The following LTN1 variants were observed in gnomAD, a reference collection of about 807,000 sequenced individuals.
LTN1 encodes E3 ubiquitin-protein ligase listerin.
In LTN1, 88 loss-of-function variants were observed where a neutral mutation model predicts 201.2. The observed-to-expected ratio is 0.44, with a 90% CI of 0.37 to 0.52. The LOEUF is 0.52. LTN1 is among the 20% of genes least tolerant of loss of function. LTN1 has a pLI of 0.00. For missense variants in LTN1, 1,752 were observed against 2,038.7 expected (o/e 0.86, Z 2.71); for synonymous variants, 645 against 713.5 (o/e 0.90, Z 1.53).
At position 28,980,550 on chromosome 21, in the gene LTN1, A is replaced by T. The variant is rs116539379; in HGVS notation, c.810+569T>A. On this transcript the variant is annotated intron_variant, in intron 6 of 29. Transcript: ENST00000361371. The stretch of plus-strand genomic sequence containing the variant: ...CTAAAACTTAAAGTATAATAATAAT[A>T]ATTAAAAAAAAGAACTACCAAAAAA... Among the ~76,000 whole-genome samples, 322 of 151,324 alleles carry T rather than the reference A, an allele frequency of 2.1e-3. 1 individual carries two copies. Among genetic ancestry groups the T allele is most frequent in the African/African-American group, 7.5e-3 (311 of 41,226 alleles).
At chr21:28,976,599 C>CAAA (rs11315471) in intron 6 of LTN1, among the ~76,000 whole-genome samples, 3 of 71,610 alleles carry the variant, frequency 4.2e-5, no homozygotes, top group Non-Finnish European at 5.8e-5. Flanking sequence ...GATTCTGTCT[C>CAAA]AAAAAAAAAA....
intron 6 of LTN1, among the ~76,000 whole-genome samples, chr21:28,975,235 G>A (rs2084605764): frequency 6.6e-6 from 1 of 151,902 alleles, no homozygotes; most frequent in Non-Finnish European, 1.5e-5. Flanking sequence ...GATGAATGGG[G>A]AAAAAATAGA....
intron 11 of LTN1, among the ~76,000 whole-genome samples, chr21:28,965,025 C>T (rs2084509974): frequency 6.6e-6 from 1 of 151,970 alleles, no homozygotes; most frequent in South Asian, 2.1e-4. Context: ...TTAATGGATA[C>T]AGGGTTTCAG....
chr21:28,968,119 CT>C (rs1178165256), intron 9 of LTN1: 7 of 152,086 alleles, frequency 4.6e-5, no homozygotes, highest in Non-Finnish European at 8.8e-5. Flanking sequence ...AAATTTTCCC[CT>C]AGAACTCTGA....
intron 9 of LTN1, 81 bp from the exon 10 acceptor site, chr21:28,967,260 G>A: frequency 2.0e-6 from 2 of 991,890 alleles, no homozygotes; most frequent in Non-Finnish European, 3.0e-6. Flanking sequence ...TAAAATCCTT[G>A]GAATCTCCAA....
chr21:28,983,492 C>T (rs945347383), intron 4 of LTN1, among the ~76,000 whole-genome samples: 1 of 152,162 alleles, frequency 6.6e-6, no homozygotes, highest in Non-Finnish European at 1.5e-5. Context: ...TAGAAAAACA[C>T]GCTTGGTACA....
At chr21:28,968,895 C>T (rs1199810859) in intron 9 of LTN1, among the ~76,000 whole-genome samples, 1 of 151,520 alleles carries the variant, frequency 6.6e-6, no homozygotes, top group African/African-American at 2.4e-5. Flanking sequence ...GCGTGAGCCA[C>T]GACGCCCAGC....
chr21:28,934,788 T>C (rs1310272445), intron 27 of LTN1, among the ~76,000 whole-genome samples: 2 of 152,148 alleles, frequency 1.3e-5, no homozygotes, highest in Admixed American at 1.3e-4. Flanking sequence ...TTACCCAGTT[T>C]CAGGCATTTA....
chr21:28,976,619 T>G (rs1377275007), intron 6 of LTN1, among the ~76,000 whole-genome samples: 1 of 150,160 alleles, frequency 6.7e-6, no homozygotes, highest in Non-Finnish European at 1.5e-5. Context: ...AAAAAAAAAT[T>G]GAAAGAGATG....
chr21:28,958,701 C>T (rs557645025), intron 13 of LTN1, among the ~76,000 whole-genome samples, 162 bp from the exon 14 acceptor site: 121 of 152,136 alleles, frequency 8.0e-4, no homozygotes, highest in Middle Eastern at 3.4e-3. Context: ...AACAAAGCAA[C>T]TGTGTCATAA....
chr21:28,959,603 A>C lies in LTN1; in HGVS notation c.2448T>G (p.Ser816Arg). The change falls in exon 13 of 30, where the codon AGT becomes AGG. Residue 816 changes from serine to arginine, a missense_variant. By Grantham distance (110) the Ser-to-Arg change is moderately radical (BLOSUM62 -1). Coordinates refer to ENST00000361371, the MANE Select transcript of LTN1 (RefSeq NM_015565.3). The stretch of plus-strand genomic sequence containing the variant: ...CACAGATAAAAGACACTGATGAGTC[A>C]CTGCTTTCAGCTTCTGATAATTTCT... ...KTKKLSEAESSDSSVSFICDV... is the reference protein window; with the variant it reads ...KTKKLSEAESRDSSVSFICDV... The C allele has an allele frequency of 6.2e-7, 1 of 1,614,088 alleles. No individual in the cohort carries two copies. The highest frequency in any genetic ancestry group is 8.5e-7 in the Non-Finnish European group (1 of 1,179,974).
chr21:28,932,713 C>A (rs754203260), intron 27 of LTN1, 49 bp from the exon 28 acceptor site: 1 of 1,329,136 alleles, frequency 7.5e-7, no homozygotes, highest in South Asian at 1.3e-5. Context: ...TGTCTTTCAA[C>A]CAGAAAACAT....
At chr21:28,982,266 T>A in intron 5 of LTN1, 50 bp downstream of exon 5, 2 of 1,435,570 alleles carry the variant, frequency 1.4e-6, no homozygotes, top group Non-Finnish European at 2.0e-6. Context: ...TGATTACTTA[T>A]GAGTGAAACA....
At position 28,981,277 on chromosome 21, in the gene LTN1, C is replaced by G; in HGVS notation, c.652G>C (p.Glu218Gln). The G allele has an allele frequency of 6.4e-7, 1 of 1,551,338 alleles. No individual in the cohort carries two copies. The highest frequency in any genetic ancestry group is 8.6e-7 in the Non-Finnish European group (1 of 1,157,780). The change falls in exon 6 of 30, where the codon GAA becomes CAA. Residue 218 changes from glutamate (E) to glutamine (Q), a missense_variant. Physicochemically the swap from Glu to Gln is conservative, Grantham distance 29. Coordinates refer to ENST00000361371, the MANE Select transcript of LTN1 (RefSeq NM_015565.3). ...GTTACAACCCGGTAGAATTTAGCTTCTCTTTCTTCCTCTGGAACAGTTCTT... is the reference window on the plus strand; with the variant it reads ...GTTACAACCCGGTAGAATTTAGCTTGTCTTTCTTCCTCTGGAACAGTTCTT... The part of the protein sequence containing the change: ...DPQTVPEEER[E>Q]AKFYRVVTCS...
At chr21:28,964,619 A>C (rs1269699771) in intron 11 of LTN1, 2 of 1,549,536 alleles carry the variant, frequency 1.3e-6, no homozygotes, top group Non-Finnish European at 1.7e-6. Context: ...CTAATGAAAG[A>C]AGCTGCCTAG....
At chr21:28,951,237 A>G (rs918965678) in intron 18 of LTN1, among the ~76,000 whole-genome samples, 15 of 152,236 alleles carry the variant, frequency 9.9e-5, no homozygotes, top group Non-Finnish European at 1.5e-5. Context: ...TTTAAGATAA[A>G]AAACAGTCAA....
chr21:28,991,485 C>T (rs770039904), intron 1 of LTN1, among the ~76,000 whole-genome samples: 14 of 151,960 alleles, frequency 9.2e-5, no homozygotes, highest in Non-Finnish European at 2.1e-4. Flanking sequence ...AGTTAAGAGT[C>T]CCGACTTCTG....
intron 11 of LTN1, chr21:28,961,296 T>C (rs1423637764): frequency 1.3e-5 from 2 of 152,716 alleles, no homozygotes; most frequent in Non-Finnish European, 2.9e-5. Context: ...GAACAATTAG[T>C]GTATAATAAT....
In LTN1 at chr21:28,986,399, G is replaced by A. The variant is rs183180005; in HGVS notation, c.247-162C>T. The A allele has an allele frequency of 4.2e-4, 288 of 684,208 alleles. 1 individual carries two copies. Among genetic ancestry groups the A allele is most frequent in the Non-Finnish European group, 6.9e-4 (264 of 381,324 alleles). 42.4% of individuals were successfully genotyped at this position (684,208 alleles called of 1,614,324 possible). On this transcript the variant is annotated intron_variant, in intron 2 of 29. Coordinates refer to ENST00000361371, the MANE Select transcript of LTN1 (RefSeq NM_015565.3). The surrounding 1 kb of genome is among the most constrained non-coding windows in gnomAD (Gnocchi z 4.1). ...GAAGAGCTCTTTCACAGGCTACTAC[G>A]GTAGAAACTCTTCAGTTGTTTTTTT...
Sources: gnomAD v4.1 joint callset for allele counts (sites outside exome capture counted in the v4.1 genomes callset) on GRCh38, gnomAD v4.1.1 for gene constraint, Gnocchi (gnomAD v3.1) non-coding constraint, MANE v1.5 for transcripts, NCBI Gene and HGNC (gene_info 2026-07-23, HGNC 2026-07-21) for gene names.